Variants in AREL1 observed in about 807,000 individuals in gnomAD.
AREL1 encodes the protein apoptosis-resistant E3 ubiquitin protein ligase 1.
In AREL1, 62 loss-of-function variants were observed where a neutral mutation model predicts 99.0. The ratio of observed to expected loss-of-function variants is 0.63; its 90% confidence interval spans 0.51 to 0.77. The LOEUF (loss-of-function observed/expected upper bound fraction) is 0.77. AREL1 is among the 30% of genes least tolerant of loss of function. The probability of loss-of-function intolerance (pLI) is 0.00; values close to 1 mark genes in which losing one functional copy is unlikely to be tolerated. For synonymous variants in AREL1, 380 were observed against 376.5 expected (o/e 1.01, Z -0.11); for missense variants, 879 against 1,027.6 (o/e 0.86, Z 1.98).
chr14:74,712,587 C>T lies in AREL1; in HGVS notation c.-334+346G>A, dbSNP rs117110221. Reference sequence around the variant, plus strand: ...TTTTCTTGGCTTGGGTAAGTAGTAACATATGCAAGCTTATGCCCCAATTCT... The same window carrying T: ...TTTTCTTGGCTTGGGTAAGTAGTAATATATGCAAGCTTATGCCCCAATTCT... On this transcript the variant is annotated intron_variant, in intron 1 of 19. Transcript: ENST00000356357. Among the ~76,000 whole-genome samples, 114 of 152,228 alleles carry T rather than the reference C, an allele frequency of 7.5e-4. 2 individuals carry two copies. In the East Asian group the frequency reaches 0.019, roughly 25 times the overall value.
chr14:74,702,908 G>C (rs898235381), intron 1 of AREL1, among the ~76,000 whole-genome samples: 3 of 152,078 alleles, frequency 2.0e-5, no homozygotes, highest in Non-Finnish European at 2.9e-5. Context: ...ATCTCCATCT[G>C]AGACCACCTC....
rs1305811271 is a variant in AREL1 at position 74,661,349 on chromosome 14, A to C, written c.*2371T>G. 2.2e-6 allele frequency: 1 copy of C among 456,290 alleles called. No homozygotes were observed. The highest frequency in any genetic ancestry group is 4.4e-6 in the Non-Finnish European group (1 of 226,756). The allele number at this position is 456,290 out of a possible 1,614,324, so 28.3% of individuals were successfully genotyped here. On this transcript the variant is annotated 3_prime_UTR_variant, in exon 20 of 20. Coordinates refer to ENST00000356357, the MANE Select transcript of AREL1 (RefSeq NM_001039479.2). ...TCACCTGGCCTGACGAATCTGCAGC[A>C]GGGCTTGGTCTCTGCCAATTTTCCA... is the stretch of plus-strand genomic sequence containing the variant.
chr14:74,712,013 T>C (rs2140006507), intron 1 of AREL1: 1 of 113,160 alleles, frequency 8.8e-6, no homozygotes, highest in East Asian at 2.7e-4. Flanking sequence ...GCTTGATCAG[T>C]AGCTGGAGAA....
intron 2 of AREL1, among the ~76,000 whole-genome samples, chr14:74,691,501 T>C (rs2089879776): frequency 1.3e-5 from 2 of 152,200 alleles, no homozygotes; most frequent in Non-Finnish European, 2.9e-5. Flanking sequence ...AATCTTACTG[T>C]GAGGAATCTC....
intron 2 of AREL1, chr14:74,691,288 C>T (rs2089873062): frequency 6.8e-6 from 1 of 146,564 alleles, no homozygotes; most frequent in African/African-American, 2.5e-5. Flanking sequence ...CTACTGCACT[C>T]CAGCCTGGTT....
chr14:74,685,363 C>T (rs1406454278), intron 3 of AREL1, among the ~76,000 whole-genome samples: 1 of 152,140 alleles, frequency 6.6e-6, no homozygotes, highest in African/African-American at 2.4e-5. Context: ...TCCTTGAAGG[C>T]AGATTTTTGT....
intron 1 of AREL1, chr14:74,712,070 AAAAAAAAGAAAG>A (rs1466504457): frequency 3.8e-5 from 4 of 104,318 alleles, no homozygotes; most frequent in African/African-American, 1.2e-4. Flanking sequence ...AAAAAAAAGA[AAAAAAAAGAAAG>A]AAAGAAAGAA....
intron 1 of AREL1, among the ~76,000 whole-genome samples, chr14:74,706,463 A>G (rs1195603912): frequency 6.6e-6 from 1 of 152,196 alleles, no homozygotes; most frequent in Non-Finnish European, 1.5e-5. Context: ...AGGAAAAACA[A>G]TGTTAATTAA....
intron 17 of AREL1, among the ~76,000 whole-genome samples, chr14:74,665,757 T>G (rs1186591906): frequency 6.6e-6 from 1 of 152,232 alleles, no homozygotes; most frequent in Non-Finnish European, 1.5e-5. Flanking sequence ...TCCAGCATGT[T>G]ACTTAGCAGA....
intron 5 of AREL1, among the ~76,000 whole-genome samples, chr14:74,679,995 G>T (rs2089593157): frequency 6.6e-6 from 1 of 151,522 alleles, no homozygotes; most frequent in South Asian, 2.1e-4. Context: ...GGCCAACATG[G>T]CAAAACTCTG....
At chr14:74,693,444 G>A (rs547222553) in intron 1 of AREL1, among the ~76,000 whole-genome samples, 1 of 152,150 alleles carries the variant, frequency 6.6e-6, no homozygotes, top group African/African-American at 2.4e-5. Context: ...AGCAGAAAGG[G>A]GGTTTATGGC....
chr14:74,670,802 T>C lies in AREL1; in HGVS notation c.1568A>G (p.Asn523Ser). ...GTCACTGAACCGGGTGAAGAGCTGA[T>C]TGGTGGTATCAAATAGTGCTTTGCA... ...LICKALFDTT[N>S]QLFTRFSDNN... Residue 523 changes from asparagine to serine, a missense_variant, in exon 13 of 20, where the codon AAT (asparagine) becomes AGT (serine). Physicochemically the swap from Asn to Ser is conservative, Grantham distance 46 (BLOSUM62 1). Coordinates refer to ENST00000356357, the MANE Select transcript of AREL1 (RefSeq NM_001039479.2). The C allele has an allele frequency of 6.2e-7, 1 of 1,614,134 alleles. No individual in the cohort carries two copies. Among genetic ancestry groups the C allele is most frequent in the Non-Finnish European group, 8.5e-7 (1 of 1,180,006 alleles).
intron 11 of AREL1, 150 bp from the exon 12 acceptor site, chr14:74,671,633 C>G (rs1316863331): frequency 2.0e-6 from 1 of 492,186 alleles, no homozygotes; most frequent in Non-Finnish European, 3.6e-6. Flanking sequence ...TTTAATGATA[C>G]CACCTGACAT....
rs142700204 is a variant in AREL1 at position 74,667,328 on chromosome 14, A to G, written c.2094T>C (p.Asn698=). Residue 698 remains asparagine, a synonymous_variant, in exon 17 of 20, where the codon AAT becomes AAC. Transcript: ENST00000356357. ...AATTGCAATCACTTACCTCAAGCTC[A>G]TTCTCATCAAAAATAGCCAAAAGGT... The part of the protein sequence containing the change: ...PENLLAIFDE[N]ELELLMCGTG... 1.4e-4 allele frequency: 218 copies of G among 1,613,388 alleles called. No individual in the cohort carries two copies. The African/African-American group carries it at 2.5e-3, about 18-fold the overall frequency.
At chr14:74,668,043 T>A (rs145017232) in intron 15 of AREL1, among the ~76,000 whole-genome samples, 42 of 152,344 alleles carry the variant, frequency 2.8e-4, no homozygotes, top group African/African-American at 9.4e-4. Context: ...CTTTTATCTC[T>A]AATGTGAGTC....
At chr14:74,697,873 C>T (rs78316712) in intron 1 of AREL1, among the ~76,000 whole-genome samples, 1 of 152,270 alleles carries the variant, frequency 6.6e-6, no homozygotes, top group African/African-American at 2.4e-5. Flanking sequence ...TTAGACTGTA[C>T]CTCATTCTAT....
intron 1 of AREL1, among the ~76,000 whole-genome samples, chr14:74,704,952 T>G (rs181129391): frequency 6.6e-6 from 1 of 152,318 alleles, no homozygotes; most frequent in East Asian, 1.9e-4. Flanking sequence ...GCATTCCATT[T>G]ATCTCATAGT....
Position 74,669,722 on chromosome 14 carries a change from A to G in AREL1, c.1841T>C (p.Leu614Pro). Residue 614 changes from leucine (L) to proline (P), a missense_variant, in exon 15 of 20, where the codon CTC becomes CCC. Transcript: ENST00000356357. ...CTCCATCTCACTCATGTCATTGTTG[A>G]GGATAAAACAAACTTTAGATTTGTA... ...EFYKSKVCFI[L>P]NNDMSEMELV... The G allele has an allele frequency of 6.2e-7, 1 of 1,614,138 alleles. No individual in the cohort carries two copies.
At chr14:74,698,773 C>A in intron 1 of AREL1, 1 of 233,420 alleles carries the variant, frequency 4.3e-6, no homozygotes, top group Non-Finnish European at 9.4e-6. Context: ...CCTGTAATCC[C>A]AGCACTTTGG....
Sources: gnomAD v4.1 joint callset for allele counts (sites outside exome capture counted in the v4.1 genomes callset) on GRCh38, gnomAD v4.1.1 for gene constraint, MANE v1.5 for transcripts, NCBI Gene and HGNC (gene_info 2026-07-23, HGNC 2026-07-21) for gene names.